Variants in FGD4 observed in about 807,000 individuals in gnomAD.
The protein encoded by FGD4 is FYVE, RhoGEF and PH domain-containing protein 4.
FGD4 carries 42 observed loss-of-function variants against 102.0 expected under a neutral mutation model. That is an observed-to-expected ratio of 0.41 (90% CI 0.32 to 0.53). The LOEUF (loss-of-function observed/expected upper bound fraction) is 0.53. FGD4 is among the 20% of genes least tolerant of loss of function. FGD4 has a pLI of 0.21. For synonymous variants in FGD4, 380 were observed against 375.7 expected (o/e 1.01, Z -0.13); for missense variants, 902 against 1,078.2 (o/e 0.84, Z 2.29).
rs200412604 is a variant in FGD4 at position 32,566,312 on chromosome 12, G to GC, written c.319+2027dup. Among the ~76,000 whole-genome samples, 84 of 152,174 alleles carry GC rather than the reference G, an allele frequency of 5.5e-4. No individual in the cohort carries two copies. The East Asian group carries it at 0.014, about 25-fold the overall frequency. On this transcript the variant is annotated intron_variant, in intron 2 of 16. Coordinates refer to ENST00000534526, the MANE Select transcript of FGD4 (RefSeq NM_001370298.3). The stretch of plus-strand genomic sequence containing the variant: ...CTCATGACCTACTCACCTCCCAAAG[G>GC]CCCCACCTCTTCATATTGTCACCTT...
chr12:32,598,415 A>G (rs184041276), intron 4 of FGD4, 82 bp from the exon 5 acceptor site: 184 of 970,782 alleles, frequency 1.9e-4, no homozygotes, highest in Non-Finnish European at 2.7e-4. Context: ...TTTTGATCAA[A>G]TCATTTGAAG....
intron 1 of FGD4, among the ~76,000 whole-genome samples, chr12:32,452,723 G>A (rs564354197): frequency 3.8e-4 from 58 of 152,102 alleles, no homozygotes; most frequent in African/African-American, 1.3e-3. Context: ...AGTGGCTCAC[G>A]TCTGTAATCC....
At chr12:32,497,491 G>A (rs1937893481) in intron 1 of FGD4, among the ~76,000 whole-genome samples, 1 of 152,090 alleles carries the variant, frequency 6.6e-6, no homozygotes, top group Non-Finnish European at 1.5e-5. Flanking sequence ...GTATTTTGTG[G>A]TTTCAATGGT....
chr12:32,525,795 C>T (rs1410017352), intron 1 of FGD4, among the ~76,000 whole-genome samples: 6 of 152,232 alleles, frequency 3.9e-5, no homozygotes, highest in Non-Finnish European at 5.9e-5. Flanking sequence ...TGGCCCCAGG[C>T]AATGGGGGAC....
intron 1 of FGD4, among the ~76,000 whole-genome samples, chr12:32,472,567 C>A (rs973611639): frequency 6.6e-6 from 1 of 152,232 alleles, no homozygotes; most frequent in East Asian, 1.9e-4. Flanking sequence ...CATGCCTGAG[C>A]CTCCCACCCA....
At chr12:32,600,565 T>A (rs1200563330) in intron 5 of FGD4, 1 of 634,462 alleles carries the variant, frequency 1.6e-6, no homozygotes, top group Admixed American at 5.9e-5. Context: ...TTTTGTTTTT[T>A]GTTTTTCTTT....
Position 32,576,321 on chromosome 12 carries a change from C to T in FGD4, c.375C>T (p.Thr125=). 1 of 1,613,760 alleles carries T rather than the reference C, an allele frequency of 6.2e-7. No individual in the cohort carries two copies. Among genetic ancestry groups the T allele is most frequent in the Non-Finnish European group, 8.5e-7 (1 of 1,179,874 alleles). Residue 125 remains threonine, a synonymous_variant, in exon 3 of 17, where the codon ACC becomes ACT. Coordinates refer to ENST00000534526, the MANE Select transcript of FGD4 (RefSeq NM_001370298.3). ...QNSPSSNIHQ[T]PRHKALPSAK... ...CACCTTCGTCCAATATACACCAAACCCCCAGGCATAAAGCTTTACCTAGTG... is the reference window on the plus strand; with the variant it reads ...CACCTTCGTCCAATATACACCAAACTCCCAGGCATAAAGCTTTACCTAGTG...
chr12:32,426,256 G>A (rs1941829393), intron 1 of FGD4, among the ~76,000 whole-genome samples: 1 of 152,128 alleles, frequency 6.6e-6, no homozygotes, highest in African/African-American at 2.4e-5. Flanking sequence ...CTAGTTTATT[G>A]AGAGTTTTTA....
At chr12:32,502,923 C>T (rs1425963991) in intron 1 of FGD4, among the ~76,000 whole-genome samples, 1 of 152,204 alleles carries the variant, frequency 6.6e-6, no homozygotes. Flanking sequence ...AAGGGCAAGA[C>T]AAGGAAGATC....
At position 32,407,549 on chromosome 12, in the gene FGD4, GC is replaced by G. The variant is rs572797251; in HGVS notation, c.166+7591del. Reference sequence around the variant, plus strand: ...TCCTGAGGACAGGTTGCCGAGATTTGCAGGAATAAGACAAGGAATGCTATAG... The same window carrying G: ...TCCTGAGGACAGGTTGCCGAGATTTGAGGAATAAGACAAGGAATGCTATAG... On this transcript the variant is annotated intron_variant, in intron 1 of 16. Transcript: ENST00000534526. Among the ~76,000 whole-genome samples the G allele has an allele frequency of 7.4e-4, 113 of 152,318 alleles. 2 individuals carry two copies. In the South Asian group the frequency reaches 0.023, roughly 30 times the overall value.
chr12:32,573,322 C>G (rs191433570), intron 2 of FGD4, among the ~76,000 whole-genome samples: 1 of 152,158 alleles, frequency 6.6e-6, no homozygotes, highest in Non-Finnish European at 1.5e-5. Context: ...GTCTCGATCT[C>G]CTGACCTCAT....
At chr12:32,552,810 T>C (rs181806614) in intron 1 of FGD4, among the ~76,000 whole-genome samples, 8 of 148,972 alleles carry the variant, frequency 5.4e-5, no homozygotes, top group Admixed American at 2.7e-4. Context: ...AGAGTTTCGC[T>C]CTTGTTGCCT....
intron 1 of FGD4, among the ~76,000 whole-genome samples, chr12:32,480,046 C>A (rs534089128): frequency 2.0e-5 from 3 of 152,186 alleles, no homozygotes; most frequent in Admixed American, 2.0e-4. Context: ...CCTGCCTCAG[C>A]CTTCCAAAGT....
At chr12:32,446,776 A>C (rs572120887) in intron 1 of FGD4, among the ~76,000 whole-genome samples, 4 of 152,288 alleles carry the variant, frequency 2.6e-5, no homozygotes, top group African/African-American at 9.6e-5. Flanking sequence ...CTACAAGCTT[A>C]AAAGTGATAA....
At chr12:32,439,026 AATT>A (rs1156600962) in intron 1 of FGD4, among the ~76,000 whole-genome samples, 12 of 152,196 alleles carry the variant, frequency 7.9e-5, no homozygotes, top group Non-Finnish European at 1.5e-4. Context: ...ATTTACTAAT[AATT>A]ATTATAGATA....
intron 1 of FGD4, among the ~76,000 whole-genome samples, chr12:32,518,070 A>G (rs1940085960): frequency 6.6e-6 from 1 of 152,012 alleles, no homozygotes; most frequent in Non-Finnish European, 1.5e-5. Context: ...ATGACTTACT[A>G]AGTTTTAGGA....
Position 32,630,992 on chromosome 12 carries a change from T to TA in FGD4, c.2173-2547dup, listed in dbSNP as rs200056679. ...AGGTCTTGACCCCATCTCAAAAAAA[T>TA]AAAAAAAAAATTATATAAACTTCTA... On this transcript the variant is annotated intron_variant, in intron 14 of 16. Transcript: ENST00000534526. Among the ~76,000 whole-genome samples the TA allele has an allele frequency of 2.4e-3, 353 of 149,480 alleles. 1 individual carries two copies. The highest frequency in any genetic ancestry group is 8.3e-3 in the African/African-American group (339 of 40,902).
At chr12:32,438,370 C>T (rs1436799723) in intron 1 of FGD4, among the ~76,000 whole-genome samples, 5 of 152,068 alleles carry the variant, frequency 3.3e-5, no homozygotes, top group African/African-American at 1.2e-4. Flanking sequence ...AAATATCTGC[C>T]GTTAAGATAA....
At chr12:32,527,976 CTTTTTT>C (rs1219335813) in intron 1 of FGD4, among the ~76,000 whole-genome samples, 1 of 149,804 alleles carries the variant, frequency 6.7e-6, no homozygotes, top group Admixed American at 6.6e-5. Flanking sequence ...TTTTCTTTTT[CTTTTTT>C]TGGTGACAGT....
Sources: gnomAD v4.1 joint callset for allele counts (sites outside exome capture counted in the v4.1 genomes callset) on GRCh38, gnomAD v4.1.1 for gene constraint, MANE v1.5 for transcripts, NCBI Gene and HGNC (gene_info 2026-07-23, HGNC 2026-07-21) for gene names.